Variants in PREX2 observed in about 807,000 individuals in gnomAD.
PREX2 encodes phosphatidylinositol 3,4,5-trisphosphate-dependent Rac exchanger 2 protein.
A neutral mutation model predicts 203.2 loss-of-function variants in PREX2; 107 were observed. The ratio of observed to expected loss-of-function variants is 0.53; its 90% CI spans 0.45 to 0.62. The LOEUF (loss-of-function observed/expected upper bound fraction) is 0.62. Ranked by LOEUF, PREX2 falls within the 20% of genes least tolerant of loss-of-function variation. PREX2 has a pLI of 0.00. For missense variants in PREX2, 1,777 were observed against 1,955.9 expected (o/e 0.91, Z 1.72); for synonymous variants, 672 against 663.6 (o/e 1.01, Z -0.19).
chr8:67,982,268 TA>T (rs1207346495), intron 1 of PREX2, among the ~76,000 whole-genome samples: 1 of 151,910 alleles, frequency 6.6e-6, no homozygotes, highest in African/African-American at 2.4e-5. Context: ...TATAAAAATT[TA>T]AAAAAAAGCT....
intron 1 of PREX2, among the ~76,000 whole-genome samples, chr8:67,974,642 T>A (rs1806020009): frequency 6.6e-6 from 1 of 152,188 alleles, no homozygotes; most frequent in Admixed American, 6.5e-5. Context: ...AACATTTTCC[T>A]ACTATTTATC....
intron 1 of PREX2, among the ~76,000 whole-genome samples, chr8:68,010,781 G>A (rs1259077773): frequency 6.6e-6 from 1 of 152,118 alleles, no homozygotes; most frequent in Non-Finnish European, 1.5e-5. Context: ...AGGGGAGGAA[G>A]GTGGTGGGTT....
intron 1 of PREX2, among the ~76,000 whole-genome samples, chr8:67,978,754 C>T (rs1444648857): frequency 6.6e-6 from 1 of 152,010 alleles, no homozygotes; most frequent in Non-Finnish European, 1.5e-5. Context: ...AGTTTTATAT[C>T]TGTAAGTAGC....
chr8:68,002,234 A>G (rs778699050), intron 1 of PREX2, among the ~76,000 whole-genome samples: 3 of 148,796 alleles, frequency 2.0e-5, no homozygotes, highest in Non-Finnish European at 4.4e-5. Context: ...TGCAACTTGC[A>G]CCTCCTAGGT....
chr8:68,114,994 TTTTCTTTTC>T (rs1174699004), intron 25 of PREX2, among the ~76,000 whole-genome samples: 5 of 150,726 alleles, frequency 3.3e-5, no homozygotes, highest in South Asian at 2.1e-4. Context: ...TATTTTCTGT[TTTTCTTTTC>T]TTTCTTTTCT....
At position 68,118,577 on chromosome 8, in the gene PREX2, C is replaced by CACCA; in HGVS notation, c.3354_3355insACCA (p.Ala1119ThrfsTer19). On this transcript the variant is annotated frameshift_variant, in exon 27 of 40. Transcript: ENST00000288368. LOFTEE classifies it high-confidence loss of function. ...ACTGCAACAGCAATAGGAATTCCATCGCCTCCTTCACCAGCATCTGCAGCA... is the reference window on the plus strand; with the variant it reads ...ACTGCAACAGCAATAGGAATTCCATCACCAGCCTCCTTCACCAGCATCTGCAGCA... 1 of 1,613,894 alleles carries CACCA rather than the reference C, an allele frequency of 6.2e-7. No homozygotes were observed. The highest frequency in any genetic ancestry group is 8.5e-7 in the Non-Finnish European group (1 of 1,179,810).
chr8:68,090,516 A>G (rs1279838681), intron 19 of PREX2, 63 bp from the exon 20 acceptor site: 1 of 1,425,236 alleles, frequency 7.0e-7, no homozygotes, highest in Non-Finnish European at 9.8e-7. Context: ...AATTGTATAT[A>G]TCATACAAAT....
chr8:68,033,886 T>TA (rs1157018760), intron 6 of PREX2, among the ~76,000 whole-genome samples: 3 of 152,062 alleles, frequency 2.0e-5, no homozygotes, highest in Non-Finnish European at 4.4e-5. Context: ...TGAACAGATT[T>TA]AAAAAATGAA....
intron 35 of PREX2, among the ~76,000 whole-genome samples, chr8:68,165,412 T>TTTAC (rs1035363518): frequency 2.0e-5 from 3 of 151,978 alleles, no homozygotes; most frequent in Non-Finnish European, 4.4e-5. Context: ...CATTTATTTA[T>TTTAC]TTACTTAAGT....
At chr8:68,107,287 T>A (rs1278590089) in intron 23 of PREX2, among the ~76,000 whole-genome samples, 2 of 151,980 alleles carry the variant, frequency 1.3e-5, no homozygotes, top group African/African-American at 4.8e-5. Flanking sequence ...GAGTAGATAG[T>A]GTGTGAGACG....
intron 30 of PREX2, among the ~76,000 whole-genome samples, chr8:68,123,976 C>T (rs190671615): frequency 6.0e-4 from 91 of 152,102 alleles, no homozygotes; most frequent in Non-Finnish European, 9.7e-4. Context: ...AAGAAAACTT[C>T]AGGCCAGTAT....
rs943514011 is a variant in PREX2, at chr8:68,172,242, T to C, written c.4346+14806T>C. On this transcript the variant is annotated intron_variant, in intron 35 of 39. Transcript: ENST00000288368. ...ATTAGTTTATAATGCTTGAAAGTTTTGTGGATGTCTTTCCTACACATGAAA... is the reference window on the plus strand; with the variant it reads ...ATTAGTTTATAATGCTTGAAAGTTTCGTGGATGTCTTTCCTACACATGAAA... Among the ~76,000 whole-genome samples, 8 of 152,334 alleles carry C rather than the reference T, an allele frequency of 5.3e-5. No individual in the cohort carries two copies. In the East Asian group the frequency reaches 1.5e-3, roughly 29 times the overall value.
At chr8:67,952,715 A>C in intron 1 of PREX2, 180 bp downstream of exon 1, 1 of 808,680 alleles carries the variant, frequency 1.2e-6, no homozygotes, top group Non-Finnish European at 2.0e-6. Flanking sequence ...CCCCGCGGGG[A>C]TTTGTTGGTG....
chr8:68,087,037 G>C (rs1466001807), intron 18 of PREX2, among the ~76,000 whole-genome samples: 1 of 152,080 alleles, frequency 6.6e-6, no homozygotes, highest in African/African-American at 2.4e-5. Flanking sequence ...GTAAACTAAG[G>C]AGAAAAGTTT....
chr8:68,095,986 G>A (rs1810060835), intron 21 of PREX2, among the ~76,000 whole-genome samples: 1 of 152,056 alleles, frequency 6.6e-6, no homozygotes, highest in Admixed American at 6.5e-5. Flanking sequence ...ATCGTATGGG[G>A]GGTACTTAGG....
At chr8:68,150,068 G>A (rs566857313) in intron 34 of PREX2, among the ~76,000 whole-genome samples, 49 of 152,318 alleles carry the variant, frequency 3.2e-4, no homozygotes, top group African/African-American at 1.2e-3. Context: ...AGGCTGGAGA[G>A]TGAACAGCTG....
intron 14 of PREX2, among the ~76,000 whole-genome samples, chr8:68,073,955 C>T (rs1312756230): frequency 6.6e-6 from 1 of 151,542 alleles, no homozygotes; most frequent in East Asian, 1.9e-4. Flanking sequence ...TATTAAGGTG[C>T]TCAAAAACGG....
chr8:68,126,906 AC>A (rs1810903961), intron 30 of PREX2, among the ~76,000 whole-genome samples: 3 of 150,900 alleles, frequency 2.0e-5, no homozygotes, highest in African/African-American at 7.4e-5. Flanking sequence ...ATACATATAT[AC>A]GTGTGTGTGT....
rs1813186258 is a variant in PREX2, at chr8:68,232,471, T to C, written c.*1093T>C. ...TCATTTCTACATTGATGCAATAACATTGTTTTTAGCATAGTAAATACAGTA... is the reference window on the plus strand; with the variant it reads ...TCATTTCTACATTGATGCAATAACACTGTTTTTAGCATAGTAAATACAGTA... On this transcript the variant is annotated 3_prime_UTR_variant, in exon 40 of 40. Coordinates refer to ENST00000288368, the MANE Select transcript of PREX2 (RefSeq NM_024870.4). 6.6e-6 allele frequency: 1 copy of C among 152,210 alleles called. No individual in the cohort carries two copies. Among genetic ancestry groups the C allele is most frequent in the Admixed American group, 6.5e-5 (1 of 15,276 alleles). 9.4% of individuals were successfully genotyped at this position (152,210 alleles called of 1,614,324 possible). A position where few individuals can be genotyped will look rare whatever the true frequency, so the allele number is the denominator to read the frequency against.
Sources: gnomAD v4.1 joint callset for allele counts (sites outside exome capture counted in the v4.1 genomes callset) on GRCh38, gnomAD v4.1.1 for gene constraint, MANE v1.5 for transcripts, NCBI Gene and HGNC (gene_info 2026-07-23, HGNC 2026-07-21) for gene names.